The following TESK2 variants were observed in gnomAD, a reference collection of about 807,000 sequenced individuals.
TESK2 encodes testis associated actin remodelling kinase 2.
Under a neutral mutation model 57.1 loss-of-function variants are expected in TESK2, and 39 were observed. The observed-to-expected ratio is 0.68, with a 90% CI of 0.53 to 0.89. The LOEUF (loss-of-function observed/expected upper bound fraction) is 0.89. Ranked by LOEUF, TESK2 falls within the 40% of genes least tolerant of loss-of-function variation. TESK2 has a pLI of 0.00. For missense variants in TESK2, 646 were observed against 732.1 expected, an observed-to-expected ratio of 0.88 and a Z score of 1.36; for synonymous variants, 249 against 267.9, an observed-to-expected ratio of 0.93 and a Z score of 0.69.
At chr1:45,486,024 C>A (rs1053013222) in intron 1 of TESK2, among the ~76,000 whole-genome samples, 2 of 152,154 alleles carry the variant, frequency 1.3e-5, no homozygotes, top group East Asian at 1.9e-4. Context: ...TATCACACTG[C>A]CTTTTGGAAA....
chr1:45,346,232 G>A (rs1211871462), intron 9 of TESK2, among the ~76,000 whole-genome samples: 1 of 152,180 alleles, frequency 6.6e-6, no homozygotes, highest in East Asian at 1.9e-4. Flanking sequence ...CCAAAAGTAT[G>A]CTCATATTAG....
chr1:45,378,605 C>T lies in TESK2; in HGVS notation c.393+7307G>A, dbSNP rs72892507. On this transcript the variant is annotated intron_variant, in intron 4 of 10. Transcript: ENST00000372086. ...TTGCCAGCTCAGTCACTCCAGCTGA[C>T]ACATATGGATCAAAGATCCAGGAAA... Among the ~76,000 whole-genome samples, 769 of 152,298 alleles carry T rather than the reference C, an allele frequency of 5.0e-3. 8 individuals carry two copies. Among genetic ancestry groups the T allele is most frequent in the African/African-American group, 0.017 (726 of 41,560 alleles).
At chr1:45,392,841 C>A (rs1328801121) in intron 3 of TESK2, among the ~76,000 whole-genome samples, 2 of 152,182 alleles carry the variant, frequency 1.3e-5, no homozygotes, top group African/African-American at 4.8e-5. Flanking sequence ...CTATGCCGGG[C>A]CAAGGCTTTT....
At chr1:45,431,929 T>C (rs541918230) in intron 2 of TESK2, among the ~76,000 whole-genome samples, 27 of 152,036 alleles carry the variant, frequency 1.8e-4, no homozygotes, top group African/African-American at 6.0e-4. Flanking sequence ...GAGCCTAGCA[T>C]GGAAAGCAAG....
intron 5 of TESK2, 39 bp downstream of exon 5, chr1:45,355,264 G>T: frequency 6.2e-7 from 1 of 1,603,282 alleles, no homozygotes; most frequent in Non-Finnish European, 8.5e-7. Context: ...AGAGAAGGGT[G>T]GTATCTCTCA....
intron 2 of TESK2, among the ~76,000 whole-genome samples, chr1:45,434,630 G>T (rs184954225): frequency 1.3e-5 from 2 of 152,140 alleles, no homozygotes; most frequent in East Asian, 3.9e-4. Flanking sequence ...TTTCTTTCAA[G>T]AAATTTCTGT....
chr1:45,444,476 C>T (rs1334716456), intron 2 of TESK2, among the ~76,000 whole-genome samples: 1 of 152,146 alleles, frequency 6.6e-6, no homozygotes, highest in Non-Finnish European at 1.5e-5. Flanking sequence ...AATGCTATCC[C>T]TATTGCCTCA....
At chr1:45,396,520 ACT>A (rs1649365122) in intron 3 of TESK2, among the ~76,000 whole-genome samples, 1 of 151,222 alleles carries the variant, frequency 6.6e-6, no homozygotes, top group Non-Finnish European at 1.5e-5. Flanking sequence ...ACAGAGTCTC[ACT>A]CTGTTGCCCA....
chr1:45,384,606 T>TTTTTTTTA (rs1557551518), intron 4 of TESK2, among the ~76,000 whole-genome samples: 6 of 125,502 alleles, frequency 4.8e-5, no homozygotes, highest in Non-Finnish European at 5.0e-5. Context: ...TTTTTTTTTT[T>TTTTTTTTA]TTTTTTTTTT....
intron 3 of TESK2, among the ~76,000 whole-genome samples, chr1:45,387,551 T>C (rs1648953216): frequency 6.6e-6 from 1 of 152,028 alleles, no homozygotes; most frequent in African/African-American, 2.4e-5. Context: ...GAAAGGATCA[T>C]AAAATTTCCA....
intron 1 of TESK2, among the ~76,000 whole-genome samples, chr1:45,479,813 CTTTTTTTTTTT>C (rs35869444): frequency 2.9e-5 from 2 of 68,530 alleles, no homozygotes; most frequent in African/African-American, 1.3e-4. Context: ...GAAGGCCCTT[CTTTTTTTTTTT>C]TTTTTTTTTT....
chr1:45,440,832 A>C (rs1271565214), intron 2 of TESK2, among the ~76,000 whole-genome samples: 2 of 152,202 alleles, frequency 1.3e-5, no homozygotes, highest in African/African-American at 4.8e-5. Context: ...AGGCAGCCAC[A>C]CTGTGTGCTG....
chr1:45,355,375 C>T lies in TESK2; in HGVS notation c.468G>A (p.Leu156=), dbSNP rs1201833975. 1.2e-6 allele frequency: 2 copies of T among 1,613,904 alleles called. No individual in the cohort carries two copies. Among genetic ancestry groups the T allele is most frequent in the East Asian group, 2.2e-5 (1 of 44,868 alleles). ...LHLPWTVRVK[L]AYDIAVGLSY... ...TGAGGCCCACTGCTATGTCATAGGC[C>T]AGTTTTACCCTCACAGTCCAAGGCA... Residue 156 remains leucine (L), a synonymous_variant, in exon 5 of 11, where the codon CTG becomes CTA. Transcript: ENST00000372086.
At chr1:45,486,163 G>A (rs1359634336) in intron 1 of TESK2, among the ~76,000 whole-genome samples, 6 of 152,128 alleles carry the variant, frequency 3.9e-5, no homozygotes, top group African/African-American at 9.7e-5. Flanking sequence ...TGATGACTTT[G>A]TAAATAGTAT....
At chr1:45,388,396 G>C (rs949672367) in intron 3 of TESK2, among the ~76,000 whole-genome samples, 3 of 152,304 alleles carry the variant, frequency 2.0e-5, no homozygotes, top group East Asian at 1.9e-4. Flanking sequence ...AGTAAAATAT[G>C]ATAAGCTACA....
At chr1:45,346,667 A>G (rs1255159376) in intron 9 of TESK2, 26 bp downstream of exon 9, 8 of 1,600,190 alleles carry the variant, frequency 5.0e-6, no homozygotes, top group Non-Finnish European at 6.0e-6. Flanking sequence ...GCCCCTGATG[A>G]AAGGCAGAGG....
intron 5 of TESK2, among the ~76,000 whole-genome samples, 192 bp downstream of exon 5, chr1:45,355,111 G>A (rs1384189140): frequency 1.3e-5 from 2 of 152,042 alleles, no homozygotes; most frequent in African/African-American, 4.8e-5. Context: ...GGAGGCAGAA[G>A]CACTCCAGCC....
At chr1:45,473,394 T>C (rs1652852717) in intron 1 of TESK2, among the ~76,000 whole-genome samples, 2 of 152,150 alleles carry the variant, frequency 1.3e-5, no homozygotes, top group African/African-American at 4.8e-5. Flanking sequence ...ATATTGCCAT[T>C]GATAGTAATG....
chr1:45,435,432 T>C (rs1254671463), intron 2 of TESK2, among the ~76,000 whole-genome samples: 1 of 151,502 alleles, frequency 6.6e-6, no homozygotes, highest in Non-Finnish European at 1.5e-5. Context: ...CCCAGCCATT[T>C]TTTTTTTTTT....
Sources: allele counts gnomAD v4.1 joint callset (sites outside exome capture counted in the v4.1 genomes callset), GRCh38; gene constraint gnomAD v4.1.1; transcripts MANE v1.5; gene names NCBI Gene and HGNC (gene_info 2026-07-23, HGNC 2026-07-21).